SLC8A3: variants seen among roughly 807,000 people sequenced by gnomAD.
SLC8A3 encodes the protein sodium/calcium exchanger 3.
A neutral mutation model predicts 65.4 loss-of-function variants in SLC8A3; 37 were observed. That is an observed-to-expected ratio of 0.57 (90% CI 0.44 to 0.74). The LOEUF (loss-of-function observed/expected upper bound fraction) is 0.74. SLC8A3 is among the 30% of genes least tolerant of loss of function. The probability of loss-of-function intolerance (pLI) is 0.00; values close to 1 mark genes in which losing one functional copy is unlikely to be tolerated. For missense variants in SLC8A3, 1,112 were observed against 1,172.1 expected, an observed-to-expected ratio of 0.95 and a Z score of 0.75; for synonymous variants, 461 against 444.5, an observed-to-expected ratio of 1.04 and a Z score of -0.47.
intron 6 of SLC8A3, chr14:70,048,537 G>A: frequency 1.6e-6 from 1 of 638,562 alleles, no homozygotes; most frequent in Non-Finnish European, 2.8e-6. Context: ...ATGTAAATGT[G>A]TAAATTGCTG....
Position 70,046,052 on chromosome 14 carries a change from G to T in SLC8A3, c.2661C>A (p.Gly887=), listed in dbSNP as rs769475406. 5 of 1,614,058 alleles carry T rather than the reference G, an allele frequency of 3.1e-6. No homozygotes were observed. The South Asian group carries it at 4.4e-5, about 14-fold the overall frequency. The change falls in exon 7 of 7, where the codon GGC becomes GGA. Residue 887 remains glycine, a synonymous_variant. Transcript: ENST00000356921. This position sits in a 1 kb window ranked among gnomAD's most constrained non-coding sequence, Gnocchi z 4.2. The part of the protein sequence containing the change: ...RRPHLGGELG[G]PRGCKLATTW... ...TTGTGGCGAGCTTGCAGCCACGGGG[G>T]CCACCAAGCTCCCCTCCCAGGTGCG...
At chr14:70,084,233 T>G (rs17107766) in intron 2 of SLC8A3, among the ~76,000 whole-genome samples, 28,811 of 152,190 alleles carry the variant, frequency 0.19, 2,885 homozygotes, top group Non-Finnish European at 0.22. Context: ...CCTTGGTTAT[T>G]TTCCAAGATG....
chr14:70,147,181 T>C (rs1468738016), intron 2 of SLC8A3, among the ~76,000 whole-genome samples: 1 of 152,166 alleles, frequency 6.6e-6, no homozygotes, highest in Non-Finnish European at 1.5e-5. Context: ...GACTGCAGGA[T>C]AGGTGAAAAA....
chr14:70,172,112 C>T (rs916677286), intron 1 of SLC8A3, among the ~76,000 whole-genome samples: 1 of 152,102 alleles, frequency 6.6e-6, no homozygotes, highest in African/African-American at 2.4e-5. Context: ...CTATTAACCC[C>T]GAGGCATACT....
intron 2 of SLC8A3, among the ~76,000 whole-genome samples, chr14:70,061,279 C>G (rs1284672243): frequency 6.6e-6 from 1 of 152,040 alleles, no homozygotes; most frequent in Non-Finnish European, 1.5e-5. Flanking sequence ...ACCTTGCCAA[C>G]AGTTAGTAGG....
intron 2 of SLC8A3, among the ~76,000 whole-genome samples, chr14:70,094,829 A>G (rs1269865467): frequency 6.6e-6 from 1 of 152,250 alleles, no homozygotes; most frequent in Non-Finnish European, 1.5e-5. Flanking sequence ...TTTTCAAAGC[A>G]CTTTCTCTTC....
chr14:70,102,353 C>A (rs1594985400), intron 2 of SLC8A3, among the ~76,000 whole-genome samples: 1 of 152,246 alleles, frequency 6.6e-6, no homozygotes, highest in African/African-American at 2.4e-5. Context: ...AATTTAACTA[C>A]TTCCAGAACA....
intron 2 of SLC8A3, among the ~76,000 whole-genome samples, chr14:70,163,446 G>A (rs148959866): frequency 6.6e-6 from 1 of 152,156 alleles, no homozygotes; most frequent in African/African-American, 2.4e-5. Context: ...GCCTCAACTT[G>A]ATTATATTTA....
At chr14:70,131,195 G>T (rs2140231418) in intron 2 of SLC8A3, among the ~76,000 whole-genome samples, 1 of 152,266 alleles carries the variant, frequency 6.6e-6, no homozygotes, top group Middle Eastern at 3.4e-3. Context: ...AGAAGCCTTG[G>T]ATGATCTCAG....
chr14:70,055,593 A>G (rs1366433697), intron 3 of SLC8A3, among the ~76,000 whole-genome samples: 2 of 152,208 alleles, frequency 1.3e-5, no homozygotes, highest in Non-Finnish European at 2.9e-5. Flanking sequence ...GACAGAAGTG[A>G]TGCTCAAGGA....
chr14:70,046,215 G>A lies in SLC8A3; in HGVS notation c.2498C>T (p.Ala833Val). Residue 833 changes from alanine to valine, a missense_variant, in exon 7 of 7, where the codon GCC becomes GTC. By Grantham distance (64) the Ala-to-Val change is moderately conservative. Transcript: ENST00000356921. The surrounding 1 kb of genome is among the most constrained non-coding windows in gnomAD (Gnocchi z 4.2). ...CCAGTAGATGGCGGCCACGGACCAG[G>A]CCAGGCCGATGCCCAGGAAGACATT... ...AVNVFLGIGLAWSVAAIYWAL... is the reference protein window; with the variant it reads ...AVNVFLGIGLVWSVAAIYWAL... The A allele has an allele frequency of 6.2e-7, 1 of 1,614,246 alleles. No individual in the cohort carries two copies. The highest frequency in any genetic ancestry group is 8.5e-7 in the Non-Finnish European group (1 of 1,180,040).
chr14:70,082,559 C>T (rs1002825332), intron 2 of SLC8A3, among the ~76,000 whole-genome samples: 2 of 152,214 alleles, frequency 1.3e-5, no homozygotes, highest in African/African-American at 4.8e-5. Flanking sequence ...CCCCATGACT[C>T]AGGTCTGCAA....
chr14:70,053,439 G>A (rs1298530059), intron 3 of SLC8A3, among the ~76,000 whole-genome samples: 1 of 152,190 alleles, frequency 6.6e-6, no homozygotes, highest in Non-Finnish European at 1.5e-5. Context: ...CTTAGAAAAA[G>A]ACACACAGAT....
In SLC8A3 at chr14:70,119,169, T is replaced by C. The variant is rs115097409; in HGVS notation, c.1784+47470A>G. 5.4e-3 allele frequency among the ~76,000 whole-genome samples: 570 copies of C among 105,430 alleles called. 3 individuals carry two copies. Among genetic ancestry groups the C allele is most frequent in the African/African-American group, 0.02 (531 of 27,178 alleles). 69.2% of individuals were successfully genotyped at this position (105,430 alleles called of 152,430 possible). A position where few individuals can be genotyped will look rare whatever the true frequency, so the allele number is the denominator to read the frequency against. ...TCTTTAGGTTTTATGAAACCAGCAT[T>C]TGGGGCAAAGAAGCACTCTTTTCCC... is the stretch of plus-strand genomic sequence containing the variant. On this transcript the variant is annotated intron_variant, in intron 2 of 6. Coordinates refer to ENST00000356921, the MANE Select transcript of SLC8A3 (RefSeq NM_182932.3).
At chr14:70,114,703 C>T (rs1428413160) in intron 2 of SLC8A3, among the ~76,000 whole-genome samples, 1 of 152,180 alleles carries the variant, frequency 6.6e-6, no homozygotes, top group East Asian at 1.9e-4. Flanking sequence ...AACCCTTCAA[C>T]TAAACGCATT....
intron 1 of SLC8A3, among the ~76,000 whole-genome samples, chr14:70,174,662 G>GTTTTTTTTTTTTTTTTTTTTT (rs10527244): frequency 1.5e-5 from 1 of 66,516 alleles, no homozygotes; most frequent in African/African-American, 5.1e-5. Context: ...TTTTTTTTTT[G>GTTTTTTTTTTTTTTTTTTTTT]TTTTTTTTTT....
intron 2 of SLC8A3, among the ~76,000 whole-genome samples, chr14:70,135,712 G>A (rs1895149680): frequency 6.6e-6 from 1 of 152,116 alleles, no homozygotes; most frequent in Non-Finnish European, 1.5e-5. Context: ...TTTCATGGTG[G>A]TAGAGAGTAG....
chr14:70,089,672 C>A (rs1490279662), intron 2 of SLC8A3, among the ~76,000 whole-genome samples: 1 of 152,210 alleles, frequency 6.6e-6, no homozygotes, highest in East Asian at 1.9e-4. Flanking sequence ...ATCTTTGAAT[C>A]CATCTGTGTA....
intron 2 of SLC8A3, among the ~76,000 whole-genome samples, chr14:70,073,479 AAT>A (rs781777269): frequency 2.0e-5 from 3 of 151,320 alleles, no homozygotes; most frequent in Non-Finnish European, 3.0e-5. Flanking sequence ...AAGAGAAGTA[AAT>A]ATATATATAT....
Sources: allele counts gnomAD v4.1 joint callset (sites outside exome capture counted in the v4.1 genomes callset), GRCh38; gene constraint gnomAD v4.1.1; non-coding constraint Gnocchi (gnomAD v3.1); transcripts MANE v1.5; gene names NCBI Gene and HGNC (gene_info 2026-07-23, HGNC 2026-07-21).